The following DOCK3 variants were observed in gnomAD, a reference collection of about 807,000 sequenced individuals.
The protein encoded by DOCK3 is dedicator of cytokinesis 3.
Under a neutral mutation model 265.6 loss-of-function variants are expected in DOCK3, and 60 were observed. The observed-to-expected ratio is 0.23, with a 90% CI of 0.18 to 0.28. The LOEUF is 0.28. DOCK3 is among the 10% of genes least tolerant of loss of function. The pLI is 1.00. For missense variants in DOCK3, 1,981 were observed against 2,594.3 expected, an observed-to-expected ratio of 0.76 and a Z score of 5.14; for synonymous variants, 881 against 938.0, an observed-to-expected ratio of 0.94 and a Z score of 1.11.
intron 32 of DOCK3, among the ~76,000 whole-genome samples, chr3:51,316,689 A>C (rs2083386436): frequency 6.6e-6 from 1 of 152,146 alleles, no homozygotes; most frequent in South Asian, 2.1e-4. Context: ...TGTGGTTTTC[A>C]TTTCTATTTC....
intron 13 of DOCK3, among the ~76,000 whole-genome samples, chr3:51,212,049 A>T (rs2089536017): frequency 6.6e-6 from 1 of 152,178 alleles, no homozygotes; most frequent in African/African-American, 2.4e-5. Context: ...ATTATTTGGT[A>T]TGTGCTTCAG....
chr3:50,866,761 G>C (rs1173635611), intron 3 of DOCK3, among the ~76,000 whole-genome samples: 1 of 151,306 alleles, frequency 6.6e-6, no homozygotes, highest in African/African-American at 2.4e-5. Flanking sequence ...TTTGTTTCTG[G>C]GTTCTCTATT....
At chr3:51,232,073 A>T (rs145465699) in intron 19 of DOCK3, among the ~76,000 whole-genome samples, 26 of 152,298 alleles carry the variant, frequency 1.7e-4, no homozygotes, top group Non-Finnish European at 2.8e-4. Flanking sequence ...CTCTACCTTA[A>T]CTGTTTCTAG....
chr3:51,280,599 T>C (rs1372175193), intron 27 of DOCK3, among the ~76,000 whole-genome samples: 1 of 152,192 alleles, frequency 6.6e-6, no homozygotes, highest in Non-Finnish European at 1.5e-5. Flanking sequence ...GGTGTCAATT[T>C]TTTTCATTTA....
At chr3:51,006,198 A>C (rs1335485193) in intron 5 of DOCK3, among the ~76,000 whole-genome samples, 1 of 150,324 alleles carries the variant, frequency 6.7e-6, no homozygotes, top group Non-Finnish European at 1.5e-5. Flanking sequence ...TCTCCTGGCC[A>C]TGATGTTTAA....
intron 35 of DOCK3, among the ~76,000 whole-genome samples, chr3:51,334,499 G>A (rs2084737236): frequency 6.6e-6 from 1 of 152,182 alleles, no homozygotes; most frequent in African/African-American, 2.4e-5. Context: ...GCACTGGCCT[G>A]GATATGGAAA....
In DOCK3 at chr3:51,229,517, C is replaced by T; in HGVS notation, c.1825C>T (p.Leu609Phe). 6.3e-7 allele frequency: 1 copy of T among 1,589,582 alleles called. No individual in the cohort carries two copies. Among genetic ancestry groups the T allele is most frequent in the East Asian group, 2.3e-5 (1 of 44,066 alleles). ...SSTKLTQNVD[L>F]LALLKWKAFP... is the part of the protein sequence containing the mutation. Reference sequence around the variant, plus strand: ...CTTTTGGGCTTGCTTTCTAGTGGACCTCCTAGCTCTGCTGAAGTGGAAAGC... The same window carrying T: ...CTTTTGGGCTTGCTTTCTAGTGGACTTCCTAGCTCTGCTGAAGTGGAAAGC... The change falls in exon 19 of 53, where the codon CTC (leucine) becomes TTC (phenylalanine). Residue 609 changes from leucine to phenylalanine, a missense_variant. Leu to Phe is a conservative substitution (Grantham distance 22). This residue lies in a region of DOCK3 where 1,357 missense variants were observed against 1,866.8 expected (regional missense o/e 0.73). Transcript: ENST00000266037.
At chr3:51,032,582 T>C (rs1434217989) in intron 5 of DOCK3, among the ~76,000 whole-genome samples, 1 of 152,062 alleles carries the variant, frequency 6.6e-6, no homozygotes, top group Non-Finnish European at 1.5e-5. Context: ...AAAAAGCTCA[T>C]GGATAAATTT....
chr3:50,874,446 C>T (rs1443676657), intron 3 of DOCK3, among the ~76,000 whole-genome samples: 2 of 151,326 alleles, frequency 1.3e-5, no homozygotes, highest in East Asian at 1.9e-4. Context: ...TTTAAGGCTG[C>T]AGTGAGCTAA....
chr3:50,690,278 A>G (rs2035126769), intron 1 of DOCK3, among the ~76,000 whole-genome samples: 1 of 151,930 alleles, frequency 6.6e-6, no homozygotes, highest in Non-Finnish European at 1.5e-5. Context: ...TACTATAGGC[A>G]TGTGCCACCA....
At chr3:50,857,556 C>T (rs2046663750) in intron 3 of DOCK3, among the ~76,000 whole-genome samples, 1 of 152,058 alleles carries the variant, frequency 6.6e-6, no homozygotes, top group African/African-American at 2.4e-5. Context: ...GACTAATATC[C>T]AGAATCTACA....
At chr3:50,876,475 GT>G (rs2047706382) in intron 3 of DOCK3, among the ~76,000 whole-genome samples, 2 of 151,986 alleles carry the variant, frequency 1.3e-5, no homozygotes, top group Non-Finnish European at 2.9e-5. Context: ...TTTTATTATA[GT>G]TTGTAATTTC....
chr3:51,142,856 C>T lies in DOCK3; in HGVS notation c.747-3693C>T, dbSNP rs1019763331. ...TTTATGAGAGATTTAGTTCTAGTTACTTGACATTCTTACCAACCTTTGGTA... is the reference window on the plus strand; with the variant it reads ...TTTATGAGAGATTTAGTTCTAGTTATTTGACATTCTTACCAACCTTTGGTA... On this transcript the variant is annotated intron_variant, in intron 9 of 52. Coordinates refer to ENST00000266037, the MANE Select transcript of DOCK3 (RefSeq NM_004947.5). Among the ~76,000 whole-genome samples, 6 of 151,712 alleles carry T rather than the reference C, an allele frequency of 4.0e-5. No homozygotes were observed. The East Asian group carries it at 1.2e-3, about 29-fold the overall frequency.
intron 23 of DOCK3, among the ~76,000 whole-genome samples, chr3:51,260,992 A>G (rs1304237915): frequency 1.3e-5 from 2 of 152,124 alleles, no homozygotes; most frequent in Non-Finnish European, 2.9e-5. Flanking sequence ...TCCAAAAAGA[A>G]AAAGAAAAAA....
At chr3:51,088,663 TTGTA>T (rs1193679927) in intron 7 of DOCK3, among the ~76,000 whole-genome samples, 1 of 152,144 alleles carries the variant, frequency 6.6e-6, no homozygotes, top group Non-Finnish European at 1.5e-5. Context: ...CACAATAACT[TTGTA>T]AGGAAGATAA....
At chr3:50,803,686 C>A (rs1051265474) in intron 2 of DOCK3, among the ~76,000 whole-genome samples, 2 of 150,488 alleles carry the variant, frequency 1.3e-5, no homozygotes, top group African/African-American at 4.9e-5. Context: ...GATGGGGCGG[C>A]TACCAGGCGG....
chr3:51,176,992 A>G (rs1044779366), intron 12 of DOCK3, among the ~76,000 whole-genome samples: 1 of 152,206 alleles, frequency 6.6e-6, no homozygotes, highest in Admixed American at 6.5e-5. Context: ...CTGTTTTAAT[A>G]ATAATGCCAG....
At chr3:51,177,974 A>G (rs2107692928) in intron 12 of DOCK3, among the ~76,000 whole-genome samples, 1 of 151,546 alleles carries the variant, frequency 6.6e-6, no homozygotes, top group East Asian at 1.9e-4. Flanking sequence ...TGAATGACAG[A>G]GAGAGACTCC....
At chr3:51,158,693 A>G (rs2085980477) in intron 10 of DOCK3, among the ~76,000 whole-genome samples, 1 of 152,230 alleles carries the variant, frequency 6.6e-6, no homozygotes, top group African/African-American at 2.4e-5. Flanking sequence ...ATTTAGTACA[A>G]ATGATAAATA....
Sources: gnomAD v4.1 joint callset for allele counts (sites outside exome capture counted in the v4.1 genomes callset) on GRCh38, gnomAD v4.1.1 for gene constraint, gnomAD v4.1.1 regional missense constraint, MANE v1.5 for transcripts, NCBI Gene and HGNC (gene_info 2026-07-23, HGNC 2026-07-21) for gene names.